Variants in TRPM1 observed in about 807,000 individuals in gnomAD.
TRPM1 encodes transient receptor potential cation channel subfamily M member 1.
TRPM1 carries 113 observed loss-of-function variants against 149.4 expected under a neutral mutation model. The observed-to-expected ratio is 0.76, with a 90% CI of 0.65 to 0.88. The LOEUF is 0.88. TRPM1 is among the 40% of genes least tolerant of loss of function. The pLI is 0.00. For synonymous variants in TRPM1, 741 were observed against 759.5 expected (o/e 0.98, Z 0.40); for missense variants, 1,976 against 2,038.7 (o/e 0.97, Z 0.59).
intron 1 of TRPM1, among the ~76,000 whole-genome samples, chr15:31,083,805 A>G (rs2034925586): frequency 6.6e-6 from 1 of 152,172 alleles, no homozygotes; most frequent in Non-Finnish European, 1.5e-5. Flanking sequence ...TGCAGAGAGC[A>G]CAGGTAGGAG....
At chr15:31,098,524 C>T (rs888934644) in intron 1 of TRPM1, among the ~76,000 whole-genome samples, 1 of 152,176 alleles carries the variant, frequency 6.6e-6, no homozygotes, top group African/African-American at 2.4e-5. Context: ...AGCAGGACTT[C>T]ACTTGGCTCT....
At chr15:31,134,887 C>T (rs185633628) in intron 1 of TRPM1, among the ~76,000 whole-genome samples, 7 of 152,144 alleles carry the variant, frequency 4.6e-5, no homozygotes, top group African/African-American at 1.7e-4. Context: ...CCTGTAATCC[C>T]AGCTACTTGG....
chr15:31,149,965 T>C (rs1315243130), intron 1 of TRPM1, among the ~76,000 whole-genome samples: 1 of 152,224 alleles, frequency 6.6e-6, no homozygotes, highest in African/African-American at 2.4e-5. Flanking sequence ...CTTTCTTAAA[T>C]ATCCTGTGCT....
At position 31,002,326 on chromosome 15, in the gene TRPM1, CT is replaced by C. The variant is rs781052534; in HGVS notation, c.4373del (p.Lys1458SerfsTer21). The C allele has an allele frequency of 6.2e-7, 1 of 1,614,216 alleles. No individual in the cohort carries two copies. Among genetic ancestry groups the C allele is most frequent in the Non-Finnish European group, 8.5e-7 (1 of 1,180,048 alleles). ...CCCGGGAATAGACGAAGCTTCTGGA[CT>C]TCATTGTTTTACAAGCATTGATCGT... ...DETINACKTM[K>X]SRSFVYSRGR... On this transcript the variant is annotated frameshift_variant, in exon 28 of 28. Coordinates refer to ENST00000256552, the MANE Select transcript of TRPM1 (RefSeq NM_001252024.2). LOFTEE classifies it low-confidence loss of function (END_TRUNC).
intron 27 of TRPM1, among the ~76,000 whole-genome samples, chr15:31,020,837 C>G (rs529411609): frequency 6.6e-6 from 1 of 152,256 alleles, no homozygotes; most frequent in East Asian, 1.9e-4. Flanking sequence ...GTAGGCTTAG[C>G]GCGCAGGCTA....
chr15:31,058,200 A>G (rs961930393), intron 11 of TRPM1, among the ~76,000 whole-genome samples: 4 of 152,216 alleles, frequency 2.6e-5, no homozygotes, highest in African/African-American at 9.6e-5. Flanking sequence ...AAAAAAAAGA[A>G]TAGATACAGC....
At chr15:31,153,237 T>C (rs568387613) in intron 1 of TRPM1, among the ~76,000 whole-genome samples, 6 of 152,338 alleles carry the variant, frequency 3.9e-5, no homozygotes, top group Admixed American at 2.0e-4. Flanking sequence ...CTATTCTCTC[T>C]GAAGCTGTCC....
intron 1 of TRPM1, among the ~76,000 whole-genome samples, chr15:31,135,538 T>C (rs1436231749): frequency 6.6e-6 from 1 of 152,224 alleles, no homozygotes; most frequent in African/African-American, 2.4e-5. Flanking sequence ...CTACTAAGTT[T>C]GTAGGGATAC....
chr15:31,051,645 C>T (rs1176526994), intron 11 of TRPM1, among the ~76,000 whole-genome samples: 1 of 152,212 alleles, frequency 6.6e-6, no homozygotes, highest in Non-Finnish European at 1.5e-5. Flanking sequence ...GGGCTCTGTC[C>T]TCAGCCTTCT....
intron 27 of TRPM1, among the ~76,000 whole-genome samples, chr15:31,017,914 A>T (rs1278158328): frequency 6.6e-6 from 1 of 152,218 alleles, no homozygotes; most frequent in Admixed American, 6.5e-5. Flanking sequence ...TCTATTAAAC[A>T]TAAGGTCCAA....
intron 1 of TRPM1, among the ~76,000 whole-genome samples, chr15:31,098,637 C>G (rs1449570550): frequency 6.6e-6 from 1 of 152,114 alleles, no homozygotes; most frequent in Non-Finnish European, 1.5e-5. Context: ...GCAAGCTTTC[C>G]ACCTCACCAA....
At chr15:31,075,431 T>C (rs1182558288) in intron 3 of TRPM1, among the ~76,000 whole-genome samples, 1 of 152,212 alleles carries the variant, frequency 6.6e-6, no homozygotes. Context: ...GTTCTTAATA[T>C]CTCTAGTTAC....
In TRPM1 at chr15:31,040,348, T is replaced by TC; in HGVS notation, c.2088-3_2088-2insG. On this transcript the variant is annotated splice_region_variant and splice_polypyrimidine_tract_variant and intron_variant, in intron 17 of 27. Coordinates refer to ENST00000256552, the MANE Select transcript of TRPM1 (RefSeq NM_001252024.2). This position sits in a 1 kb window ranked among gnomAD's most constrained non-coding sequence, Gnocchi z 4.2. ...TCCAAAGCAAGCTGGCCGAAGTCTC[T>TC]GGGGGGAAAGAGAAGGGACCAGGGT... The TC allele has an allele frequency of 6.2e-7, 1 of 1,613,412 alleles. No homozygotes were observed.
At chr15:31,122,618 C>A (rs2035895972) in intron 1 of TRPM1, among the ~76,000 whole-genome samples, 1 of 152,062 alleles carries the variant, frequency 6.6e-6, no homozygotes, top group Non-Finnish European at 1.5e-5. Flanking sequence ...ATAAATTTAA[C>A]AAAATATGTC....
intron 1 of TRPM1, among the ~76,000 whole-genome samples, chr15:31,121,422 G>A (rs4779827): frequency 0.66 from 99,578 of 151,906 alleles, 32,827 homozygotes; most frequent in East Asian, 0.77. Context: ...AATAAAATTG[G>A]TGAATCTCTA....
At chr15:31,130,400 GGAACTTAGT>G (rs1448455850) in intron 1 of TRPM1, among the ~76,000 whole-genome samples, 1 of 152,210 alleles carries the variant, frequency 6.6e-6, no homozygotes, top group Non-Finnish European at 1.5e-5. Context: ...AACTTTGGGA[GGAACTTAGT>G]TTATAGTTTA....
At chr15:31,119,895 A>G (rs1321056682) in intron 1 of TRPM1, among the ~76,000 whole-genome samples, 1 of 152,204 alleles carries the variant, frequency 6.6e-6, no homozygotes, top group Admixed American at 6.5e-5. Context: ...GTGGAATTTT[A>G]TAAAATGCTC....
intron 1 of TRPM1, among the ~76,000 whole-genome samples, chr15:31,085,312 T>C (rs1044931087): frequency 6.6e-6 from 1 of 152,242 alleles, no homozygotes; most frequent in Non-Finnish European, 1.5e-5. Flanking sequence ...CATTTTCCAA[T>C]GGCACTGCTG....
chr15:31,073,685 T>C (rs138170248), intron 3 of TRPM1, among the ~76,000 whole-genome samples: 96 of 152,204 alleles, frequency 6.3e-4, no homozygotes, highest in African/African-American at 2.2e-3. Context: ...AATCTCAATA[T>C]TTTTTCTTTC....
Sources: allele counts gnomAD v4.1 joint callset (sites outside exome capture counted in the v4.1 genomes callset), GRCh38; gene constraint gnomAD v4.1.1; non-coding constraint Gnocchi (gnomAD v3.1); transcripts MANE v1.5; gene names NCBI Gene and HGNC (gene_info 2026-07-23, HGNC 2026-07-21).